The following PLEKHG1 variants were observed in gnomAD, a reference collection of about 807,000 sequenced individuals.
PLEKHG1 encodes the protein pleckstrin homology and RhoGEF domain containing G1.
Under a neutral mutation model 100.8 loss-of-function variants are expected in PLEKHG1, and 44 were observed. The observed-to-expected ratio is 0.44, with a 90% CI of 0.34 to 0.56. The LOEUF is 0.56. Among genes scored for constraint, PLEKHG1 ranks in the 20% least tolerant of loss-of-function variants. PLEKHG1 has a pLI of 0.01. For missense variants in PLEKHG1, 1,545 were observed against 1,720.9 expected, an observed-to-expected ratio of 0.90 and a Z score of 1.81; for synonymous variants, 640 against 662.5, an observed-to-expected ratio of 0.97 and a Z score of 0.52.
chr6:150,614,305 G>A (rs1036405316), intron 1 of PLEKHG1, among the ~76,000 whole-genome samples: 8 of 152,140 alleles, frequency 5.3e-5, no homozygotes, highest in Non-Finnish European at 5.9e-5. Flanking sequence ...TTCTTGAACA[G>A]GCAATGAAGG....
rs371649583 is a variant in PLEKHG1 at position 150,831,952 on chromosome 6, C to T, written c.2841C>T (p.Tyr947=). Residue 947 remains tyrosine (Y), a synonymous_variant, in exon 15 of 16, where the codon TAC becomes TAT. Transcript: ENST00000358517. The surrounding 1 kb of genome is among the most constrained non-coding windows in gnomAD (Gnocchi z 4.1). ...AAATGCCCCTCATGGACAATCCCTA[C>T]GACCTGGCCAACAGTGGCCTGTCTC... 70 of 1,613,712 alleles carry T rather than the reference C, an allele frequency of 4.3e-5. No individual in the cohort carries two copies. The highest frequency in any genetic ancestry group is 1.5e-4 in the South Asian group (14 of 91,056).
intron 2 of PLEKHG1, among the ~76,000 whole-genome samples, chr6:150,751,561 C>CA (rs1475680014): frequency 6.6e-6 from 1 of 152,230 alleles, no homozygotes; most frequent in East Asian, 1.9e-4. Context: ...AAATGCCCAA[C>CA]AGTGAGGCCT....
intron 14 of PLEKHG1, chr6:150,828,229 C>G: frequency 1.9e-6 from 3 of 1,613,788 alleles, no homozygotes; most frequent in Non-Finnish European, 2.5e-6. Context: ...CGGCATGAAC[C>G]TGACAAGAGA....
At chr6:150,828,605 C>T (rs1461534447) in intron 14 of PLEKHG1, among the ~76,000 whole-genome samples, 5 of 150,676 alleles carry the variant, frequency 3.3e-5, no homozygotes, top group Non-Finnish European at 5.9e-5. Flanking sequence ...TTAAAACCAG[C>T]CATTTGTATG....
rs537041081 is a variant in PLEKHG1, at chr6:150,629,710, C to T, written c.-203-8370C>T. Among the ~76,000 whole-genome samples the T allele has an allele frequency of 9.2e-5, 14 of 152,262 alleles. No individual in the cohort carries two copies. The East Asian group carries it at 9.7e-4, about 11-fold the overall frequency. The stretch of plus-strand genomic sequence containing the variant: ...TCCTGACCTCATGATCCGCCTGCCT[C>T]GGTCTCCCAAAGTGCTGGGATTACA... On this transcript the variant is annotated intron_variant, in intron 1 of 3. Transcript: ENST00000367326.
chr6:150,665,228 T>C (rs767548199), intron 3 of PLEKHG1, among the ~76,000 whole-genome samples: 2 of 152,148 alleles, frequency 1.3e-5, no homozygotes, highest in African/African-American at 4.8e-5. Flanking sequence ...ATCGCTCTTC[T>C]TGCCTCTATT....
intron 2 of PLEKHG1, among the ~76,000 whole-genome samples, chr6:150,738,819 T>C (rs1010828946): frequency 2.0e-5 from 3 of 152,154 alleles, no homozygotes; most frequent in Admixed American, 6.5e-5. Flanking sequence ...AAAGGAACAA[T>C]GGAGCTGTTA....
intron 15 of PLEKHG1, among the ~76,000 whole-genome samples, chr6:150,836,150 G>C (rs1387364486): frequency 6.6e-6 from 1 of 152,146 alleles, no homozygotes; most frequent in South Asian, 2.1e-4. Context: ...GCTGAGGCGG[G>C]CAGATCACTT....
At chr6:150,697,919 A>C (rs972251308) in intron 3 of PLEKHG1, among the ~76,000 whole-genome samples, 2 of 40,098 alleles carry the variant, frequency 5.0e-5, no homozygotes, top group Non-Finnish European at 1.2e-4. Flanking sequence ...TTATTCTGGC[A>C]GTGGTGTTTT....
At chr6:150,649,734 A>G (rs572374601) in intron 2 of PLEKHG1, among the ~76,000 whole-genome samples, 64 of 149,266 alleles carry the variant, frequency 4.3e-4, no homozygotes, top group African/African-American at 1.5e-3. Flanking sequence ...AAAAATGGCC[A>G]GGCGCGGTGG....
chr6:150,777,871 C>G (rs767404876), intron 3 of PLEKHG1, among the ~76,000 whole-genome samples: 27 of 152,276 alleles, frequency 1.8e-4, no homozygotes, highest in Non-Finnish European at 3.1e-4. Flanking sequence ...AATGAGAAAT[C>G]CGTAGTCTCC....
chr6:150,789,311 C>T (rs1785826306), intron 4 of PLEKHG1, among the ~76,000 whole-genome samples: 1 of 151,968 alleles, frequency 6.6e-6, no homozygotes. Flanking sequence ...TAACACATTC[C>T]CTTAAATCCT....
chr6:150,780,285 T>C (rs1335290859), intron 3 of PLEKHG1, among the ~76,000 whole-genome samples: 1 of 151,798 alleles, frequency 6.6e-6, no homozygotes, highest in Non-Finnish European at 1.5e-5. Flanking sequence ...CTGGCTAATT[T>C]TTGTATTTTT....
chr6:150,658,940 T>G lies in PLEKHG1; in HGVS notation c.-99+8154T>G, dbSNP rs368281510. Among the ~76,000 whole-genome samples, 4 of 152,350 alleles carry G rather than the reference T, an allele frequency of 2.6e-5. No homozygotes were observed. The East Asian group carries it at 5.8e-4, about 22-fold the overall frequency. The stretch of plus-strand genomic sequence containing the variant: ...TCTTTTAGCCTTGTGCAGTTATCAT[T>G]AATTGGATTTTACAGATTAGGAGCC... On this transcript the variant is annotated intron_variant, in intron 3 of 3. Transcript: ENST00000367326.
chr6:150,792,513 A>G (rs1420348704), intron 4 of PLEKHG1, among the ~76,000 whole-genome samples: 6 of 151,664 alleles, frequency 4.0e-5, no homozygotes, highest in Non-Finnish European at 7.4e-5. Flanking sequence ...TCTCTACTAA[A>G]GATAGAAATA....
chr6:150,789,176 G>C (rs1219427665), intron 4 of PLEKHG1, among the ~76,000 whole-genome samples: 1 of 152,092 alleles, frequency 6.6e-6, no homozygotes, highest in African/African-American at 2.4e-5. Context: ...GGTCAGCACT[G>C]ATTATATCAT....
chr6:150,744,373 C>T (rs1783038918), intron 2 of PLEKHG1, among the ~76,000 whole-genome samples: 4 of 152,120 alleles, frequency 2.6e-5, no homozygotes. Flanking sequence ...CGCGCCTGGC[C>T]CCTGCCCTTC....
At chr6:150,629,378 A>G (rs1251585315) in intron 1 of PLEKHG1, among the ~76,000 whole-genome samples, 1 of 152,216 alleles carries the variant, frequency 6.6e-6, no homozygotes, top group African/African-American at 2.4e-5. Flanking sequence ...GAACTATTAT[A>G]TGCAATTAAG....
At chr6:150,610,474 T>A (rs966221496) in intron 1 of PLEKHG1, among the ~76,000 whole-genome samples, 1 of 152,234 alleles carries the variant, frequency 6.6e-6, no homozygotes, top group East Asian at 1.9e-4. Context: ...GACTACAAGC[T>A]CCTTGATAGC....
Sources: gnomAD v4.1 joint callset for allele counts (sites outside exome capture counted in the v4.1 genomes callset) on GRCh38, gnomAD v4.1.1 for gene constraint, Gnocchi (gnomAD v3.1) non-coding constraint, MANE v1.5 for transcripts, NCBI Gene and HGNC (gene_info 2026-07-23, HGNC 2026-07-21) for gene names.